Variants in SNRK observed in about 807,000 individuals in gnomAD.
The protein encoded by SNRK is SNF-related serine/threonine-protein kinase.
Under a neutral mutation model 48.2 loss-of-function variants are expected in SNRK, and 3 were observed. The observed-to-expected ratio is 0.06, with a 90% CI of 0.03 to 0.16. The LOEUF is 0.16. Ranked by LOEUF, SNRK falls within the 10% of genes least tolerant of loss-of-function variation. The pLI is 1.00. For synonymous variants in SNRK, 376 were observed against 366.1 expected (o/e 1.03, Z -0.31); for missense variants, 627 against 976.0 (o/e 0.64, Z 4.76).
At chr3:43,345,392 A>G (rs1202075464) in intron 6 of SNRK, among the ~76,000 whole-genome samples, 1 of 152,218 alleles carries the variant, frequency 6.6e-6, no homozygotes, top group East Asian at 1.9e-4. Flanking sequence ...CTAGCTGGGC[A>G]GGGATGGAGG....
chr3:43,331,359 G>A (rs2091144775), intron 3 of SNRK, among the ~76,000 whole-genome samples: 1 of 152,120 alleles, frequency 6.6e-6, no homozygotes, highest in South Asian at 2.1e-4. Context: ...GATGAAAGAG[G>A]TAAGGAGTTG....
At chr3:43,332,023 T>A in intron 3 of SNRK, 146 bp from the exon 4 acceptor site, 3 of 524,118 alleles carry the variant, frequency 5.7e-6, no homozygotes, top group Non-Finnish European at 9.3e-6. Flanking sequence ...CCTGCCCTAT[T>A]GGGGCTTCTT....
At chr3:43,288,721 C>T (rs992308461) in intron 1 of SNRK, among the ~76,000 whole-genome samples, 2 of 152,122 alleles carry the variant, frequency 1.3e-5, no homozygotes, top group Non-Finnish European at 2.9e-5. Context: ...GAAAAGGGTA[C>T]AAATGAACTT....
chr3:43,334,334 G>A (rs1265172843), intron 4 of SNRK, among the ~76,000 whole-genome samples: 2 of 151,858 alleles, frequency 1.3e-5, no homozygotes, highest in African/African-American at 2.4e-5. Flanking sequence ...GGTGGCTCAC[G>A]CCTGTGGTCT....
At chr3:43,340,561 C>T in intron 5 of SNRK, 62 bp downstream of exon 5, 1 of 1,409,014 alleles carries the variant, frequency 7.1e-7, no homozygotes, top group Non-Finnish European at 1.0e-6. Context: ...TGGGCTCTCT[C>T]TACTTAACAC....
chr3:43,292,493 AT>A lies in SNRK; in HGVS notation c.-169+5821del, dbSNP rs760050327. Among the ~76,000 whole-genome samples, 5 of 152,322 alleles carry A rather than the reference AT, an allele frequency of 3.3e-5. No homozygotes were observed. In the East Asian group the frequency reaches 7.7e-4, roughly 23 times the overall value. On this transcript the variant is annotated intron_variant, in intron 1 of 6. Transcript: ENST00000296088. ...AATTAGTTAGTATGGCAAATTTTCC[AT>A]TTGTTTTGTCCAGCACGGTTGCTTA... is the stretch of plus-strand genomic sequence containing the variant.
intron 4 of SNRK, among the ~76,000 whole-genome samples, chr3:43,336,697 T>C (rs923292673): frequency 2.6e-5 from 4 of 152,214 alleles, no homozygotes; most frequent in African/African-American, 9.6e-5. Flanking sequence ...TAGTCTGTTA[T>C]TTTAGTGATT....
In SNRK at chr3:43,347,598, G is replaced by A. The variant is rs754696971; in HGVS notation, c.1339G>A (p.Glu447Lys). ...SGRKCLFRVE[E>K]DEEEDEEDKK... ...GCGGAAGTGTCTGTTCAGGGTGGAA[G>A]AAGATGAAGAGGAAGATGAGGAGGA... is the stretch of plus-strand genomic sequence containing the variant. Residue 447 changes from glutamate (E) to lysine (K), a missense_variant, in exon 7 of 7, where the codon GAA becomes AAA. Transcript: ENST00000296088. The surrounding 1 kb of genome is among the most constrained non-coding windows in gnomAD (Gnocchi z 5.4). 6.2e-7 allele frequency: 1 copy of A among 1,614,038 alleles called. No individual in the cohort carries two copies. The highest frequency in any genetic ancestry group is 8.5e-7 in the Non-Finnish European group (1 of 1,180,012).
chr3:43,288,135 C>T (rs1453812964), intron 1 of SNRK, among the ~76,000 whole-genome samples: 1 of 152,154 alleles, frequency 6.6e-6, no homozygotes, highest in Non-Finnish European at 1.5e-5. Context: ...TCCAAGGTCA[C>T]ATATTGAAGC....
At position 43,347,191 on chromosome 3, in the gene SNRK, T is replaced by C; in HGVS notation, c.1080-148T>C. 1.3e-6 allele frequency: 1 copy of C among 793,412 alleles called. No individual in the cohort carries two copies. The highest frequency in any genetic ancestry group is 1.9e-6 in the Non-Finnish European group (1 of 524,632). 49.1% of individuals were successfully genotyped at this position (793,412 alleles called of 1,614,324 possible). A position where few individuals can be genotyped will look rare whatever the true frequency, so the allele number is the denominator to read the frequency against. On this transcript the variant is annotated intron_variant, in intron 6 of 6. Transcript: ENST00000296088. The surrounding 1 kb of genome is among the most constrained non-coding windows in gnomAD (Gnocchi z 5.4). Reference sequence around the variant, plus strand: ...TGCCCTTCTGGTGGCCTTGCTGATGTTTACAGGATGTTGAATGGGTTTGCA... The same window carrying C: ...TGCCCTTCTGGTGGCCTTGCTGATGCTTACAGGATGTTGAATGGGTTTGCA...
At chr3:43,300,033 C>T (rs1266900178) in intron 2 of SNRK, among the ~76,000 whole-genome samples, 1 of 152,106 alleles carries the variant, frequency 6.6e-6, no homozygotes, top group Non-Finnish European at 1.5e-5. Flanking sequence ...GGATATTTTT[C>T]GTCTAAACTT....
intron 2 of SNRK, among the ~76,000 whole-genome samples, chr3:43,300,059 G>T (rs1212924071): frequency 6.6e-6 from 1 of 152,186 alleles, no homozygotes; most frequent in Admixed American, 6.5e-5. Flanking sequence ...TAATCATTGT[G>T]TCCTGTTCTT....
At chr3:43,315,250 A>G (rs193161923) in intron 3 of SNRK, 1 of 152,290 alleles carries the variant, frequency 6.6e-6, no homozygotes, top group African/African-American at 2.4e-5. Flanking sequence ...GTGAGGCCCC[A>G]TCTCTTAAAA....
At chr3:43,304,680 A>G (rs943714685) in intron 3 of SNRK, among the ~76,000 whole-genome samples, 1 of 152,102 alleles carries the variant, frequency 6.6e-6, no homozygotes, top group African/African-American at 2.4e-5. Flanking sequence ...ATACATGCAC[A>G]TGATGTCAGA....
At chr3:43,318,675 A>G (rs148465893) in intron 3 of SNRK, among the ~76,000 whole-genome samples, 238 of 152,240 alleles carry the variant, frequency 1.6e-3, no homozygotes, top group Non-Finnish European at 2.9e-3. Context: ...TGTTATTCGC[A>G]TTGCATGTTG....
intron 1 of SNRK, among the ~76,000 whole-genome samples, chr3:43,291,056 A>G (rs1391503012): frequency 6.6e-6 from 1 of 152,206 alleles, no homozygotes; most frequent in East Asian, 1.9e-4. Flanking sequence ...GGGGATGGTC[A>G]GGAAGTCGTC....
intron 1 of SNRK, among the ~76,000 whole-genome samples, chr3:43,295,830 C>T (rs1268316518): frequency 1.3e-5 from 2 of 152,182 alleles, no homozygotes; most frequent in Admixed American, 1.3e-4. Flanking sequence ...CCTCCACCTC[C>T]TGTGGTCAAG....
rs1177337304 is a variant in SNRK, at chr3:43,343,697, C to T, written c.1079+219C>T. On this transcript the variant is annotated intron_variant, in intron 6 of 6. Transcript: ENST00000296088. ...GTCCCCTTCTGGGCTCAGTGGGGAC[C>T]GGGGCTGTGTCTGTTGGCATGGTCA... is the stretch of plus-strand genomic sequence containing the variant. Among the ~76,000 whole-genome samples the T allele has an allele frequency of 4.6e-5, 7 of 151,752 alleles. No individual in the cohort carries two copies. In the East Asian group the frequency reaches 5.8e-4, roughly 13 times the overall value.
At chr3:43,325,196 C>T (rs755011082) in intron 3 of SNRK, among the ~76,000 whole-genome samples, 5 of 152,134 alleles carry the variant, frequency 3.3e-5, no homozygotes, top group South Asian at 2.1e-4. Flanking sequence ...GACGGAGTCT[C>T]GCGCTTTCAC....
Sources: gnomAD v4.1 joint callset for allele counts (sites outside exome capture counted in the v4.1 genomes callset) on GRCh38, gnomAD v4.1.1 for gene constraint, Gnocchi (gnomAD v3.1) non-coding constraint, MANE v1.5 for transcripts, NCBI Gene and HGNC (gene_info 2026-07-23, HGNC 2026-07-21) for gene names.